Variants in ARHGAP15 observed in about 807,000 individuals in gnomAD.
The protein encoded by ARHGAP15 is rho GTPase-activating protein 15.
Under a neutral mutation model 63.7 loss-of-function variants are expected in ARHGAP15, and 51 were observed. The observed-to-expected ratio is 0.80, with a 90% CI of 0.64 to 1.01. The LOEUF is 1.01. Ranked by LOEUF, ARHGAP15 falls within the 50% of genes least tolerant of loss-of-function variation. The pLI, the probability that ARHGAP15 is intolerant of heterozygous loss-of-function variation, is 0.00. For synonymous variants in ARHGAP15, 191 were observed against 193.8 expected (o/e 0.99, Z 0.12); for missense variants, 560 against 564.6 (o/e 0.99, Z 0.08).
chr2:143,325,432 A>T lies in ARHGAP15; in HGVS notation c.474+74832A>T, dbSNP rs182008234. ...TGTTTTTATATCCTGTCACAGGATG[A>T]TGATGATAAATGGAAAATGATTAAG... On this transcript the variant is annotated intron_variant, in intron 6 of 13. Transcript: ENST00000295095. 4.8e-3 allele frequency among the ~76,000 whole-genome samples: 729 copies of T among 152,270 alleles called. 5 individuals carry two copies. Among genetic ancestry groups the T allele is most frequent in the Non-Finnish European group, 8.1e-3 (550 of 67,970 alleles).
chr2:143,528,450 G>A (rs1346603483), intron 10 of ARHGAP15, among the ~76,000 whole-genome samples: 1 of 151,978 alleles, frequency 6.6e-6, no homozygotes, highest in Non-Finnish European at 1.5e-5. Flanking sequence ...AGTTGATAGA[G>A]ACTGTCCAAT....
chr2:143,259,301 C>T (rs1273845439), intron 6 of ARHGAP15, among the ~76,000 whole-genome samples: 1 of 152,074 alleles, frequency 6.6e-6, no homozygotes, highest in Non-Finnish European at 1.5e-5. Context: ...TTGTTTCAAG[C>T]TTCAGGCATT....
At chr2:143,591,266 CT>C (rs935345297) in intron 11 of ARHGAP15, among the ~76,000 whole-genome samples, 3 of 152,112 alleles carry the variant, frequency 2.0e-5, no homozygotes, top group Admixed American at 6.5e-5. Context: ...TGTGATTTTG[CT>C]TTCTATTTTT....
At chr2:143,315,307 A>C (rs941726005) in intron 6 of ARHGAP15, among the ~76,000 whole-genome samples, 1 of 152,166 alleles carries the variant, frequency 6.6e-6, no homozygotes, top group African/African-American at 2.4e-5. Flanking sequence ...TTATTTATAG[A>C]ATATATTTTA....
At chr2:143,488,247 T>C (rs932395745) in intron 9 of ARHGAP15, among the ~76,000 whole-genome samples, 1 of 152,218 alleles carries the variant, frequency 6.6e-6, no homozygotes, top group Non-Finnish European at 1.5e-5. Flanking sequence ...ACATAGCCTA[T>C]GTAAAGCATT....
intron 4 of ARHGAP15, among the ~76,000 whole-genome samples, chr2:143,219,549 G>T (rs190367894): frequency 6.6e-6 from 1 of 152,138 alleles, no homozygotes; most frequent in South Asian, 2.1e-4. Flanking sequence ...CTTTGAACCT[G>T]TTAGGAATTT....
chr2:143,348,677 G>A (rs11680833), intron 6 of ARHGAP15, among the ~76,000 whole-genome samples: 27,053 of 152,018 alleles, frequency 0.18, 2,722 homozygotes, highest in East Asian at 0.41. Flanking sequence ...AGAGGTACAC[G>A]TTTACATGTG....
intron 13 of ARHGAP15, among the ~76,000 whole-genome samples, chr2:143,745,729 T>C (rs1176340391): frequency 6.6e-6 from 1 of 152,254 alleles, no homozygotes; most frequent in Non-Finnish European, 1.5e-5. Flanking sequence ...CAACTTTCCT[T>C]GCAAAGTATT....
At chr2:143,720,237 AAC>A (rs1436787314) in intron 13 of ARHGAP15, among the ~76,000 whole-genome samples, 2 of 152,200 alleles carry the variant, frequency 1.3e-5, no homozygotes, top group Non-Finnish European at 2.9e-5. Flanking sequence ...GTAGCCACAC[AAC>A]ACAGCAGTTT....
In ARHGAP15 at chr2:143,297,339, T is replaced by C. The variant is rs545207752; in HGVS notation, c.474+46739T>C. Among the ~76,000 whole-genome samples, 4 of 152,118 alleles carry C rather than the reference T, an allele frequency of 2.6e-5. No individual in the cohort carries two copies. In the South Asian group the frequency reaches 8.3e-4, roughly 31 times the overall value. ...TCCATAATGCATTCAACTTGAGCAA[T>C]GTACTGAGTCTGCAGTACTCTGTGT... On this transcript the variant is annotated intron_variant, in intron 6 of 13. Transcript: ENST00000295095.
chr2:143,218,244 C>T (rs1692836967), intron 4 of ARHGAP15, among the ~76,000 whole-genome samples: 1 of 140,780 alleles, frequency 7.1e-6, no homozygotes. Context: ...TTCTTTCAGC[C>T]TTTTCCACTT....
chr2:143,253,930 C>A (rs2104989646), intron 6 of ARHGAP15, among the ~76,000 whole-genome samples: 1 of 152,164 alleles, frequency 6.6e-6, no homozygotes, highest in South Asian at 2.1e-4. Flanking sequence ...TCCATTGCTG[C>A]TAACTTTTGT....
intron 10 of ARHGAP15, among the ~76,000 whole-genome samples, chr2:143,542,178 G>T (rs973801771): frequency 3.3e-5 from 5 of 152,204 alleles, no homozygotes; most frequent in East Asian, 1.9e-4. Context: ...CTCCGAGCTA[G>T]GTGTGGGATA....
chr2:143,253,796 C>A (rs1453228812), intron 6 of ARHGAP15, among the ~76,000 whole-genome samples: 2 of 151,476 alleles, frequency 1.3e-5, no homozygotes, highest in Non-Finnish European at 2.9e-5. Flanking sequence ...TATACTCTAC[C>A]TGTGTGTATA....
At chr2:143,766,901 A>T (rs1318161594) in intron 13 of ARHGAP15, 3 of 152,184 alleles carry the variant, frequency 2.0e-5, no homozygotes, top group Admixed American at 2.0e-4. Context: ...TAATTCAGAG[A>T]TATGTAGGCC....
At chr2:143,576,115 T>G (rs1172022257) in intron 11 of ARHGAP15, among the ~76,000 whole-genome samples, 1 of 152,126 alleles carries the variant, frequency 6.6e-6, no homozygotes, top group African/African-American at 2.4e-5. Flanking sequence ...AACACCCAAA[T>G]CTCTATCTCT....
chr2:143,459,223 A>G (rs907097078), intron 8 of ARHGAP15, among the ~76,000 whole-genome samples: 1 of 152,172 alleles, frequency 6.6e-6, no homozygotes, highest in Non-Finnish European at 1.5e-5. Context: ...TGATTTGAGT[A>G]GCTAATGAAA....
intron 9 of ARHGAP15, among the ~76,000 whole-genome samples, chr2:143,501,704 A>G (rs1268178938): frequency 6.6e-6 from 1 of 152,218 alleles, no homozygotes; most frequent in African/African-American, 2.4e-5. Flanking sequence ...ATTGGTTAGA[A>G]ATATACTACT....
At chr2:143,338,160 AACTT>A (rs1684892148) in intron 6 of ARHGAP15, among the ~76,000 whole-genome samples, 2 of 152,192 alleles carry the variant, frequency 1.3e-5, no homozygotes, top group African/African-American at 2.4e-5. Context: ...TAGAAGAGAT[AACTT>A]ACTTAGGAGT....
Sources: gnomAD v4.1 joint callset for allele counts (sites outside exome capture counted in the v4.1 genomes callset) on GRCh38, gnomAD v4.1.1 for gene constraint, MANE v1.5 for transcripts, NCBI Gene and HGNC (gene_info 2026-07-23, HGNC 2026-07-21) for gene names.